TOP2B: variants seen among roughly 807,000 people sequenced by gnomAD.
The protein encoded by TOP2B is DNA topoisomerase 2-beta.
A neutral mutation model predicts 193.5 loss-of-function variants in TOP2B; 51 were observed. That is an observed-to-expected ratio of 0.26 (90% CI 0.21 to 0.33). The LOEUF is 0.33. Among genes scored for constraint, TOP2B ranks in the 10% least tolerant of loss-of-function variants. The pLI is 1.00. For missense variants in TOP2B, 1,378 were observed against 1,909.3 expected (o/e 0.72, Z 5.19); for synonymous variants, 634 against 635.7 (o/e 1.00, Z 0.04).
intron 15 of TOP2B, among the ~76,000 whole-genome samples, chr3:25,627,891 A>T (rs1702848548): frequency 6.6e-6 from 1 of 151,314 alleles, no homozygotes; most frequent in Admixed American, 6.6e-5. Context: ...CCAACACAGC[A>T]AAACCCCACC....
intron 25 of TOP2B, among the ~76,000 whole-genome samples, chr3:25,616,815 A>T (rs756840643): frequency 6.6e-6 from 1 of 152,048 alleles, no homozygotes; most frequent in African/African-American, 2.4e-5. Context: ...AGTATTGTTA[A>T]GAAGTGTTCT....
intron 10 of TOP2B, among the ~76,000 whole-genome samples, chr3:25,631,158 T>A (rs1383130661): frequency 1.3e-5 from 2 of 152,090 alleles, no homozygotes; most frequent in East Asian, 3.8e-4. Flanking sequence ...GGATAACTTT[T>A]ACATATGAGA....
chr3:25,638,416 C>A (rs1163107318), intron 4 of TOP2B, 106 bp from the exon 5 acceptor site: 6 of 1,264,824 alleles, frequency 4.7e-6, no homozygotes, highest in South Asian at 4.2e-5. Flanking sequence ...CTAGAATAAA[C>A]CTTAATGGTT....
intron 7 of TOP2B, among the ~76,000 whole-genome samples, chr3:25,635,609 C>T (rs373889447): frequency 4.0e-5 from 6 of 150,238 alleles, no homozygotes; most frequent in African/African-American, 9.9e-5. Context: ...GATGCAGAGA[C>T]TGCAAATGAC....
intron 10 of TOP2B, among the ~76,000 whole-genome samples, chr3:25,631,573 T>C (rs1426780737): frequency 6.6e-6 from 1 of 152,026 alleles, no homozygotes; most frequent in African/African-American, 2.4e-5. Context: ...GGTGATTTGA[T>C]GTTAGGTGTA....
intron 25 of TOP2B, 97 bp from the exon 26 acceptor site, chr3:25,615,683 C>T (rs538120894): frequency 4.7e-6 from 5 of 1,056,880 alleles, no homozygotes; most frequent in South Asian, 2.8e-5. Context: ...ACAAGTGCTA[C>T]ACTATAAATG....
At chr3:25,623,490 T>C in intron 21 of TOP2B, 25 bp downstream of exon 21, 5 of 1,581,196 alleles carry the variant, frequency 3.2e-6, no homozygotes, top group East Asian at 2.2e-5. Flanking sequence ...ATTTGTTAAA[T>C]AAATAATAAG....
rs892280469 is a variant in TOP2B at position 25,598,229 on chromosome 3, T to A, written c.*78A>T. On this transcript the variant is annotated 3_prime_UTR_variant, in exon 36 of 36. Transcript: ENST00000264331. The stretch of plus-strand genomic sequence containing the variant: ...CATCATCACATTAAAATAAGCCAGA[T>A]GTACAAAAGTCTGAGACAGAGAAGA... 256 of 1,409,746 alleles carry A rather than the reference T, an allele frequency of 1.8e-4. 3 individuals carry two copies. In the South Asian group the frequency reaches 3.6e-3, roughly 20 times the overall value. The allele number at this position is 1,409,746 out of a possible 1,614,324, so 87.3% of individuals were successfully genotyped here. A position where few individuals can be genotyped will look rare whatever the true frequency, so the allele number is the denominator to read the frequency against.
chr3:25,605,702 T>C (rs982281021), intron 32 of TOP2B, among the ~76,000 whole-genome samples: 1 of 152,112 alleles, frequency 6.6e-6, no homozygotes, highest in Admixed American at 6.5e-5. Flanking sequence ...AACTGTCGTA[T>C]ATACATTCAC....
chr3:25,600,390 G>T (rs150078191), intron 34 of TOP2B, among the ~76,000 whole-genome samples: 1 of 152,134 alleles, frequency 6.6e-6, no homozygotes, highest in Non-Finnish European at 1.5e-5. Flanking sequence ...AATTTATAAA[G>T]GCTTTCAATC....
In TOP2B at chr3:25,619,856, A is replaced by C; in HGVS notation, c.3063+6T>G. The C allele has an allele frequency of 6.3e-7, 1 of 1,577,678 alleles. No individual in the cohort carries two copies. The highest frequency in any genetic ancestry group is 8.7e-7 in the Non-Finnish European group (1 of 1,147,764). ...GATTAAATTAACAGTAAATCTAATAAATTACCATGGAATTACAAGTAAGAG... is the reference window on the plus strand; with the variant it reads ...GATTAAATTAACAGTAAATCTAATACATTACCATGGAATTACAAGTAAGAG... On this transcript the variant is annotated splice_donor_region_variant and intron_variant, in intron 23 of 35. Coordinates refer to ENST00000264331, the MANE Select transcript of TOP2B (RefSeq NM_001330700.2).
intron 1 of TOP2B, among the ~76,000 whole-genome samples, chr3:25,651,614 C>A (rs762098731): frequency 6.6e-6 from 1 of 151,984 alleles, no homozygotes; most frequent in Non-Finnish European, 1.5e-5. Flanking sequence ...ATCTGTAATT[C>A]CAGCACTTTG....
chr3:25,598,744 A>G (rs1375734929), intron 35 of TOP2B, among the ~76,000 whole-genome samples: 1 of 152,234 alleles, frequency 6.6e-6, no homozygotes, highest in East Asian at 1.9e-4. Flanking sequence ...TTCTGAAATT[A>G]TATATTACCC....
intron 30 of TOP2B, among the ~76,000 whole-genome samples, chr3:25,608,278 A>T (rs1702285223): frequency 1.3e-5 from 2 of 152,244 alleles, no homozygotes; most frequent in South Asian, 2.1e-4. Context: ...ATATTGCCAT[A>T]AAGCAAGTAT....
intron 6 of TOP2B, among the ~76,000 whole-genome samples, chr3:25,636,753 T>G (rs1703117794): frequency 6.6e-6 from 1 of 152,060 alleles, no homozygotes; most frequent in South Asian, 2.1e-4. Context: ...TTATTTTAGC[T>G]TACTTCAACA....
chr3:25,612,675 G>C lies in TOP2B; in HGVS notation c.3626C>G (p.Ala1209Gly). 6.2e-7 allele frequency: 1 copy of C among 1,613,524 alleles called. No homozygotes were observed. The highest frequency in any genetic ancestry group is 8.5e-7 in the Non-Finnish European group (1 of 1,179,650). ...TTTAATTGCTTTTCCAGACATTCCA[G>C]CCAGAACATCTTCTCGTTCTTGAGA... ...VESQEREDVLAGMSGKAIKGK... is the reference protein window; with the variant it reads ...VESQEREDVLGGMSGKAIKGK... Residue 1209 changes from alanine to glycine, a missense_variant, in exon 28 of 36, where the codon GCT becomes GGT. Transcript: ENST00000264331.
At position 25,664,259 on chromosome 3, in the gene TOP2B, C is replaced by T; in HGVS notation, c.39G>A (p.Val13=). The T allele has an allele frequency of 6.5e-7, 1 of 1,537,370 alleles. No homozygotes were observed. The highest frequency in any genetic ancestry group is 8.7e-7 in the Non-Finnish European group (1 of 1,145,810). ...KSGGCGAGAG[V]GGGNGALTWV... is the part of the protein sequence containing the mutation. The stretch of plus-strand genomic sequence containing the variant: ...AGGTCAGTGCCCCGTTGCCGCCGCC[C>T]ACGCCGGCTCCCGCGCCGCAGCCAC... The change falls in exon 1 of 36, where the codon GTG becomes GTA. Residue 13 remains valine (V), a synonymous_variant. Transcript: ENST00000264331.
At chr3:25,601,072 T>TAAC (rs1451339983) in intron 34 of TOP2B, 28 bp downstream of exon 34, 2 of 1,607,416 alleles carry the variant, frequency 1.2e-6, no homozygotes, top group Non-Finnish European at 1.7e-6. Flanking sequence ...AGCATATGTT[T>TAAC]AAAGGGTTAT....
chr3:25,652,639 A>C (rs1703623879), intron 1 of TOP2B, among the ~76,000 whole-genome samples: 1 of 152,172 alleles, frequency 6.6e-6, no homozygotes, highest in South Asian at 2.1e-4. Flanking sequence ...GAAAACCAAA[A>C]CACAATAGAG....
Sources: allele counts gnomAD v4.1 joint callset (sites outside exome capture counted in the v4.1 genomes callset), GRCh38; gene constraint gnomAD v4.1.1; transcripts MANE v1.5; gene names NCBI Gene and HGNC (gene_info 2026-07-23, HGNC 2026-07-21).